DAPP1: variants seen among roughly 807,000 people sequenced by gnomAD.
DAPP1 encodes the protein dual adaptor of phosphotyrosine and 3-phosphoinositides 1, also known as dual adapter for phosphotyrosine and 3-phosphotyrosine and 3-phosphoinositide.
In DAPP1, 20 loss-of-function variants were observed where a neutral mutation model predicts 41.5. The observed-to-expected ratio is 0.48, with a 90% CI of 0.34 to 0.70. DAPP1 has a LOEUF of 0.70. Among genes scored for constraint, DAPP1 ranks in the 30% least tolerant of loss-of-function variants. The probability of loss-of-function intolerance (pLI) is 0.01; values close to 1 mark genes in which losing one functional copy is unlikely to be tolerated. For synonymous variants in DAPP1, 113 were observed against 116.2 expected, an observed-to-expected ratio of 0.97 and a Z score of 0.18; for missense variants, 233 against 333.4, an observed-to-expected ratio of 0.70 and a Z score of 2.35.
At chr4:99,841,631 T>G (rs925130696) in intron 3 of DAPP1, among the ~76,000 whole-genome samples, 1 of 152,204 alleles carries the variant, frequency 6.6e-6, no homozygotes, top group African/African-American at 2.4e-5. Context: ...TCCCTACACT[T>G]CAGTCTCCTT....
chr4:99,867,612 C>T (rs980006519), intron 8 of DAPP1, among the ~76,000 whole-genome samples: 2 of 152,200 alleles, frequency 1.3e-5, no homozygotes, highest in Non-Finnish European at 2.9e-5. Context: ...TATACCTACA[C>T]TATAATTCAG....
At chr4:99,847,556 G>A (rs900728769) in intron 3 of DAPP1, among the ~76,000 whole-genome samples, 1 of 152,138 alleles carries the variant, frequency 6.6e-6, no homozygotes, top group African/African-American at 2.4e-5. Context: ...TCACCTTTAC[G>A]TAGTTCAGAA....
intron 1 of DAPP1, among the ~76,000 whole-genome samples, chr4:99,828,455 A>G (rs1425198426): frequency 6.6e-6 from 1 of 152,234 alleles, no homozygotes; most frequent in African/African-American, 2.4e-5. Context: ...TCAATTCAAA[A>G]AATTTAAAAG....
At chr4:99,843,320 T>A (rs1024335838) in intron 3 of DAPP1, among the ~76,000 whole-genome samples, 3 of 152,232 alleles carry the variant, frequency 2.0e-5, no homozygotes, top group Non-Finnish European at 4.4e-5. Context: ...TATTTGATTT[T>A]GGGTCGTAAG....
At chr4:99,867,292 C>A (rs1448990295) in intron 8 of DAPP1, among the ~76,000 whole-genome samples, 2 of 152,046 alleles carry the variant, frequency 1.3e-5, no homozygotes, top group Non-Finnish European at 2.9e-5. Context: ...CTTATTCTTT[C>A]TATTTTTAAT....
intron 3 of DAPP1, among the ~76,000 whole-genome samples, chr4:99,847,151 C>T (rs938018139): frequency 6.6e-6 from 1 of 152,220 alleles, no homozygotes; most frequent in Non-Finnish European, 1.5e-5. Flanking sequence ...AGATATTATT[C>T]TTGCCTTCAA....
intron 8 of DAPP1, among the ~76,000 whole-genome samples, chr4:99,867,467 A>G (rs1257554797): frequency 6.6e-6 from 1 of 152,236 alleles, no homozygotes; most frequent in Non-Finnish European, 1.5e-5. Context: ...TTCAGAACGG[A>G]TACAATGAAG....
chr4:99,858,063 A>G (rs990066992), intron 4 of DAPP1, among the ~76,000 whole-genome samples: 5 of 152,204 alleles, frequency 3.3e-5, no homozygotes, highest in African/African-American at 1.2e-4. Context: ...AAATAAGGGC[A>G]TTTGCCTGCG....
chr4:99,819,820 G>A (rs186827520), intron 1 of DAPP1, among the ~76,000 whole-genome samples: 8 of 152,088 alleles, frequency 5.3e-5, no homozygotes, highest in African/African-American at 1.9e-4. Flanking sequence ...CTTTGTTCTT[G>A]GGCCTCTGTT....
chr4:99,851,618 G>A (rs187350928), intron 3 of DAPP1, among the ~76,000 whole-genome samples: 1,579 of 133,164 alleles, frequency 0.012, 38 homozygotes, highest in African/African-American at 0.041. Flanking sequence ...TCGGCTCACC[G>A]CAACCCCCGC....
At chr4:99,865,898 C>CT (rs1314892105) in intron 7 of DAPP1, 136 bp from the exon 8 acceptor site, 252 of 24,888 alleles carry the variant, frequency 0.01, 1 homozygote, top group Non-Finnish European at 0.015. Context: ...TAGTGTTCAA[C>CT]TAATATATAT....
At chr4:99,857,699 T>TACACACAC (rs1447344273) in intron 4 of DAPP1, among the ~76,000 whole-genome samples, 2 of 133,552 alleles carry the variant, frequency 1.5e-5, no homozygotes, top group Non-Finnish European at 3.2e-5. Flanking sequence ...TATGTATGTA[T>TACACACAC]ATACACACAC....
At position 99,861,275 on chromosome 4, in the gene DAPP1, C is replaced by A. The variant is rs987909912; in HGVS notation, c.490-303C>A. Among the ~76,000 whole-genome samples, 9 of 152,260 alleles carry A rather than the reference C, an allele frequency of 5.9e-5. No homozygotes were observed. In the East Asian group the frequency reaches 9.7e-4, roughly 16 times the overall value. On this transcript the variant is annotated intron_variant, in intron 4 of 8. Transcript: ENST00000512369. ...TATGTGCTAATAACCCTGTAACAAT[C>A]CAAACAGCTGGATTTCACATGACAC...
At position 99,869,005 on chromosome 4, in the gene DAPP1, T is replaced by G. The variant is rs1724557791; in HGVS notation, c.*820T>G. On this transcript the variant is annotated 3_prime_UTR_variant, in exon 9 of 9. Transcript: ENST00000512369. ...ATTATTGTTATTATACTACTAATAA[T>G]AGAGCACTTGTAAGCACTAAGTTAT... 1 of 152,206 alleles carries G rather than the reference T, an allele frequency of 6.6e-6. No individual in the cohort carries two copies. Among genetic ancestry groups the G allele is most frequent in the South Asian group, 2.1e-4 (1 of 4,836 alleles). 9.4% of individuals were successfully genotyped at this position (152,206 alleles called of 1,614,324 possible).
intron 7 of DAPP1, 64 bp from the exon 8 acceptor site, chr4:99,865,950 TATTATATTATATATATTATA>T (rs1578194388): frequency 5.0e-5 from 4 of 79,480 alleles, no homozygotes; most frequent in East Asian, 3.3e-4. Context: ...TTATATTATA[TATTATATTATATATATTATA>T]TATATATATA....
chr4:99,828,280 C>T (rs1434221048), intron 1 of DAPP1, among the ~76,000 whole-genome samples: 1 of 152,092 alleles, frequency 6.6e-6, no homozygotes, highest in Non-Finnish European at 1.5e-5. Context: ...TTTAATGGGT[C>T]ACATCAATAT....
intron 3 of DAPP1, 87 bp downstream of exon 3, chr4:99,840,509 G>C: frequency 7.1e-7 from 1 of 1,400,974 alleles, no homozygotes; most frequent in African/African-American, 1.4e-5. Flanking sequence ...GAATGTCATT[G>C]TTGTCATTTA....
At chr4:99,854,679 A>G (rs1723983827) in intron 4 of DAPP1, among the ~76,000 whole-genome samples, 1 of 151,980 alleles carries the variant, frequency 6.6e-6, no homozygotes, top group Non-Finnish European at 1.5e-5. Flanking sequence ...TCCTCTCCCT[A>G]CATCTGAAAT....
At chr4:99,830,792 C>G (rs932779909) in intron 1 of DAPP1, among the ~76,000 whole-genome samples, 1 of 152,172 alleles carries the variant, frequency 6.6e-6, no homozygotes, top group African/African-American at 2.4e-5. Flanking sequence ...CTCTTTCTCT[C>G]TCTCTCTCTC....
Sources: gnomAD v4.1 joint callset for allele counts (sites outside exome capture counted in the v4.1 genomes callset) on GRCh38, gnomAD v4.1.1 for gene constraint, MANE v1.5 for transcripts, NCBI Gene and HGNC (gene_info 2026-07-23, HGNC 2026-07-21) for gene names.